Variants in NIPBL observed in about 807,000 individuals in gnomAD.
NIPBL encodes the protein NIPBL cohesin loading factor.
Under a neutral mutation model 321.8 loss-of-function variants are expected in NIPBL, and 19 were observed. That is an observed-to-expected ratio of 0.06 (90% CI 0.04 to 0.09). The LOEUF is 0.09. NIPBL is among the 10% of genes least tolerant of loss of function. NIPBL has a pLI of 1.00. For synonymous variants in NIPBL, 1,106 were observed against 1,114.1 expected (o/e 0.99, Z 0.14); for missense variants, 2,210 against 3,327.0 (o/e 0.66, Z 8.26).
At chr5:36,980,258 T>C (rs1743985166) in intron 9 of NIPBL, among the ~76,000 whole-genome samples, 1 of 151,726 alleles carries the variant, frequency 6.6e-6, no homozygotes. Flanking sequence ...GATGGCATAG[T>C]TAACAGATAA....
At chr5:36,964,626 C>T (rs1048502764) in intron 6 of NIPBL, among the ~76,000 whole-genome samples, 1 of 152,014 alleles carries the variant, frequency 6.6e-6, no homozygotes, top group Admixed American at 6.6e-5. Flanking sequence ...GTGCAAAATA[C>T]TTTCTGTTTA....
chr5:36,926,936 T>C (rs1026362355), intron 1 of NIPBL, among the ~76,000 whole-genome samples: 2 of 152,192 alleles, frequency 1.3e-5, no homozygotes, highest in African/African-American at 4.8e-5. Flanking sequence ...TAAACAGTTA[T>C]TAGAATCAGA....
chr5:36,908,419 AT>A (rs2149542527), intron 1 of NIPBL, among the ~76,000 whole-genome samples: 1 of 145,930 alleles, frequency 6.9e-6, no homozygotes, highest in African/African-American at 2.6e-5. Context: ...TTCCTATAGA[AT>A]TTTCCTAAAT....
intron 21 of NIPBL, among the ~76,000 whole-genome samples, chr5:37,012,004 T>C (rs1386489659): frequency 1.3e-5 from 2 of 152,070 alleles, no homozygotes; most frequent in African/African-American, 2.4e-5. Context: ...CTTAAAATTA[T>C]GGTCATTGAG....
At chr5:37,004,188 A>G (rs1489268219) in intron 16 of NIPBL, among the ~76,000 whole-genome samples, 3 of 152,200 alleles carry the variant, frequency 2.0e-5, no homozygotes, top group African/African-American at 7.2e-5. Context: ...ATATTTTAAT[A>G]TGCTTATATC....
chr5:37,057,066 G>C, intron 42 of NIPBL, 120 bp from the exon 43 acceptor site: 2 of 927,080 alleles, frequency 2.2e-6, no homozygotes, highest in Non-Finnish European at 3.4e-6. Flanking sequence ...GTGTGTGTCT[G>C]CTTATCTCTG....
rs1299329447 is a variant in NIPBL at position 37,045,606 on chromosome 5, A to G, written c.6498+9A>G. The G allele has an allele frequency of 1.9e-6, 3 of 1,612,836 alleles. No individual in the cohort carries two copies. Among genetic ancestry groups the G allele is most frequent in the Non-Finnish European group, 2.5e-6 (3 of 1,178,950 alleles). ...TTAAAGGCAACAGCAAGGTAAAGGTAGTAATACTTAAAATGCTATAAAACA... is the reference window on the plus strand; with the variant it reads ...TTAAAGGCAACAGCAAGGTAAAGGTGGTAATACTTAAAATGCTATAAAACA... On this transcript the variant is annotated intron_variant, in intron 37 of 46. Transcript: ENST00000282516.
At chr5:36,980,104 C>A (rs1743964890) in intron 9 of NIPBL, among the ~76,000 whole-genome samples, 1 of 151,594 alleles carries the variant, frequency 6.6e-6, no homozygotes, top group South Asian at 2.1e-4. Context: ...ATATATAGTT[C>A]TAATTGCATA....
intron 1 of NIPBL, among the ~76,000 whole-genome samples, chr5:36,883,439 T>C (rs576023873): frequency 2.0e-5 from 3 of 152,120 alleles, no homozygotes; most frequent in Admixed American, 1.3e-4. Flanking sequence ...GATTTCCTTT[T>C]GTTAGAATTA....
chr5:36,982,861 G>T (rs16903429), intron 9 of NIPBL, among the ~76,000 whole-genome samples: 17,543 of 151,810 alleles, frequency 0.12, 1,096 homozygotes, highest in Admixed American at 0.18. Context: ...CTATGTCGTT[G>T]TGTATCTTAA....
chr5:37,033,374 C>G (rs1751282991), intron 32 of NIPBL, among the ~76,000 whole-genome samples: 1 of 151,836 alleles, frequency 6.6e-6, no homozygotes, highest in African/African-American at 2.4e-5. Flanking sequence ...AGATACATTA[C>G]ATAATTAAGA....
intron 1 of NIPBL, among the ~76,000 whole-genome samples, chr5:36,896,210 G>A (rs554468887): frequency 6.6e-6 from 1 of 152,210 alleles, no homozygotes; most frequent in South Asian, 2.1e-4. Flanking sequence ...GAATGGTCTT[G>A]GCATCCCTGT....
chr5:36,906,185 T>G (rs945185328), intron 1 of NIPBL, among the ~76,000 whole-genome samples: 7 of 152,194 alleles, frequency 4.6e-5, no homozygotes, highest in Non-Finnish European at 8.8e-5. Flanking sequence ...AACCCTACCA[T>G]TTCTGCGAAT....
chr5:36,982,124 T>G lies in NIPBL; in HGVS notation c.1496-2552T>G, dbSNP rs1744217211. 3 of 571,522 alleles carry G rather than the reference T, an allele frequency of 5.2e-6. No individual in the cohort carries two copies. The South Asian group carries it at 2.3e-4, about 44-fold the overall frequency. 35.4% of individuals were successfully genotyped at this position (571,522 alleles called of 1,614,324 possible). ...TCAGCATCTGGATGACAAGTGTTGG[T>G]TTTGAGATTATGATAATCCTTTTGT... On this transcript the variant is annotated intron_variant, in intron 9 of 46. Coordinates refer to ENST00000282516, the MANE Select transcript of NIPBL (RefSeq NM_133433.4).
chr5:36,931,795 TTTTTG>T (rs1176768549), intron 1 of NIPBL, among the ~76,000 whole-genome samples: 5 of 151,734 alleles, frequency 3.3e-5, no homozygotes, highest in Admixed American at 1.3e-4. Flanking sequence ...GTTTTTTTTT[TTTTTG>T]TTTATTTTTA....
At chr5:36,877,332 C>A (rs1745161761) in intron 1 of NIPBL, among the ~76,000 whole-genome samples, 154 bp downstream of exon 1, 1 of 152,152 alleles carries the variant, frequency 6.6e-6, no homozygotes, top group Admixed American at 6.5e-5. Context: ...CTGGTGGCAG[C>A]CGCCTTGGGT....
At chr5:37,025,527 G>A (rs947479262) in intron 30 of NIPBL, among the ~76,000 whole-genome samples, 5 of 152,086 alleles carry the variant, frequency 3.3e-5, no homozygotes, top group African/African-American at 1.2e-4. Context: ...GTTGTGAGGG[G>A]TTGAATAAAG....
At chr5:37,032,400 T>C (rs1439585049) in intron 32 of NIPBL, among the ~76,000 whole-genome samples, 2 of 136,528 alleles carry the variant, frequency 1.5e-5, no homozygotes, top group East Asian at 2.0e-4. Flanking sequence ...TGTGTGTGTG[T>C]GTGTGTGTGT....
rs898930502 is a variant in NIPBL, at chr5:36,977,579, G to A, written c.1495+1177G>A. On this transcript the variant is annotated intron_variant, in intron 9 of 46. Transcript: ENST00000282516. ...AGAAGTCTTCATTTTACTGGCTAGG[G>A]AGCTGGGTTTTTTTTTCTTTGTCTT... is the stretch of plus-strand genomic sequence containing the variant. Among the ~76,000 whole-genome samples, 3 of 147,850 alleles carry A rather than the reference G, an allele frequency of 2.0e-5. No individual in the cohort carries two copies. The East Asian group carries it at 6.2e-4, about 30-fold the overall frequency.
Sources: gnomAD v4.1 joint callset for allele counts (sites outside exome capture counted in the v4.1 genomes callset) on GRCh38, gnomAD v4.1.1 for gene constraint, MANE v1.5 for transcripts, NCBI Gene and HGNC (gene_info 2026-07-23, HGNC 2026-07-21) for gene names.